The following TNFRSF13B variants were observed in gnomAD, a reference collection of about 807,000 sequenced individuals.
The protein encoded by TNFRSF13B is TNF receptor superfamily member 13B, also known as tumor necrosis factor receptor superfamily member 13B.
TNFRSF13B carries 34 observed loss-of-function variants against 24.0 expected under a neutral mutation model. The ratio of observed to expected loss-of-function variants is 1.41; its 90% CI spans 1.08 to 1.88. The LOEUF (loss-of-function observed/expected upper bound fraction) is 1.88. Ranked by LOEUF, TNFRSF13B falls within the 40% of genes most tolerant of loss-of-function variation. The pLI is 0.00. For missense variants in TNFRSF13B, 415 were observed against 380.8 expected, an observed-to-expected ratio of 1.09 and a Z score of -0.75; for synonymous variants, 173 against 150.3, an observed-to-expected ratio of 1.15 and a Z score of -1.10.
intron 3 of TNFRSF13B, chr17:16,941,320 T>C (rs1420875735): frequency 1.0e-6 from 1 of 987,576 alleles, no homozygotes; most frequent in Non-Finnish European, 1.2e-6. Flanking sequence ...CAGGAGGGCT[T>C]TGGGCATCAG....
At chr17:16,949,917 C>T (rs1438475628) in intron 2 of TNFRSF13B, among the ~76,000 whole-genome samples, 3 of 152,014 alleles carry the variant, frequency 2.0e-5, no homozygotes, top group African/African-American at 7.3e-5. Context: ...AACTCCTGAC[C>T]TCAGGTGATC....
intron 3 of TNFRSF13B, among the ~76,000 whole-genome samples, chr17:16,943,794 T>C (rs562226160): frequency 3.9e-5 from 6 of 152,322 alleles, no homozygotes; most frequent in South Asian, 4.1e-4. Context: ...TTGGTGCTTT[T>C]CCTCGTCTTC....
intron 1 of TNFRSF13B, among the ~76,000 whole-genome samples, chr17:16,955,011 C>T (rs1283940733): frequency 1.3e-5 from 2 of 152,314 alleles, no homozygotes; most frequent in East Asian, 3.9e-4. Flanking sequence ...GGCAGGAAAT[C>T]AGAAGTCTCT....
chr17:16,939,375 C>G lies in TNFRSF13B; in HGVS notation c.*172G>C. Reference sequence around the variant, plus strand: ...TCTTTCCCTCTCTGCCTCTCTTCCCCTCTGTCTCTCTCTCCCTCTGTCTCT... The same window carrying G: ...TCTTTCCCTCTCTGCCTCTCTTCCCGTCTGTCTCTCTCTCCCTCTGTCTCT... On this transcript the variant is annotated 3_prime_UTR_variant, in exon 5 of 5. Transcript: ENST00000261652. 1 of 767,328 alleles carries G rather than the reference C, an allele frequency of 1.3e-6. No homozygotes were observed. Among genetic ancestry groups the G allele is most frequent in the Non-Finnish European group, 2.0e-6 (1 of 510,278 alleles). The allele number at this position is 767,328 out of a possible 1,614,324, so 47.5% of individuals were successfully genotyped here.
chr17:16,940,905 G>A, intron 3 of TNFRSF13B: 2 of 1,126,108 alleles, frequency 1.8e-6, no homozygotes, highest in Middle Eastern at 4.0e-4. Context: ...TCCTGAGTGA[G>A]CGTTTACAGT....
chr17:16,969,057 G>C (rs370255255), intron 1 of TNFRSF13B, among the ~76,000 whole-genome samples: 11 of 152,174 alleles, frequency 7.2e-5, no homozygotes, highest in African/African-American at 2.4e-4. Context: ...GACAAATGTC[G>C]GTGAAGATGT....
chr17:16,940,018 G>A (rs551456176), intron 4 of TNFRSF13B: 11 of 956,384 alleles, frequency 1.2e-5, no homozygotes, highest in South Asian at 5.3e-5. Context: ...GTCCAGCACC[G>A]AGCCTGCCAC....
chr17:16,962,219 AAGGT>A (rs1039507742), intron 1 of TNFRSF13B, among the ~76,000 whole-genome samples: 7 of 152,202 alleles, frequency 4.6e-5, no homozygotes, highest in African/African-American at 1.4e-4. Context: ...TGAGAAAAGA[AAGGT>A]AGGCCAGGTG....
At chr17:16,952,050 A>C (rs1201619245) in intron 2 of TNFRSF13B, among the ~76,000 whole-genome samples, 4 of 152,150 alleles carry the variant, frequency 2.6e-5, no homozygotes, top group Non-Finnish European at 4.4e-5. Flanking sequence ...ATGTGTGATA[A>C]GTTCTGTAAT....
intron 3 of TNFRSF13B, 23 bp from the exon 4 acceptor site, chr17:16,940,534 T>A: frequency 6.2e-7 from 1 of 1,610,046 alleles, no homozygotes; most frequent in African/African-American, 1.3e-5. Flanking sequence ...ATGAGACCCC[T>A]CTCTGCAGTG....
At chr17:16,968,910 A>T (rs1202449083) in intron 1 of TNFRSF13B, among the ~76,000 whole-genome samples, 1 of 152,260 alleles carries the variant, frequency 6.6e-6, no homozygotes, top group Non-Finnish European at 1.5e-5. Flanking sequence ...TTTTCCCCAA[A>T]AAAACCATAT....
intron 1 of TNFRSF13B, among the ~76,000 whole-genome samples, chr17:16,967,602 A>T (rs1401154363): frequency 1.4e-4 from 21 of 151,588 alleles, no homozygotes; most frequent in Non-Finnish European, 2.5e-4. Flanking sequence ...TAAAAAAAAA[A>T]TTAGCCGGGC....
In TNFRSF13B at chr17:16,939,106, G is replaced by A. The variant is rs918203526; in HGVS notation, c.*441C>T. 1 of 160,540 alleles carries A rather than the reference G, an allele frequency of 6.2e-6. No homozygotes were observed. The highest frequency in any genetic ancestry group is 1.4e-5 in the Non-Finnish European group (1 of 73,702). 9.9% of individuals were successfully genotyped at this position (160,540 alleles called of 1,614,324 possible). On this transcript the variant is annotated 3_prime_UTR_variant, in exon 5 of 5. Coordinates refer to ENST00000261652, the MANE Select transcript of TNFRSF13B (RefSeq NM_012452.3). ...CAGTGAGGAAGGGCAGCTGCCAAAG[G>A]TTTTATTCTCCAGGAGGAGGGGCTC... is the stretch of plus-strand genomic sequence containing the variant.
chr17:16,966,832 C>CTTTTTTTTTTTTTTTTTTTTTTTTTTT (rs796602708), intron 1 of TNFRSF13B, among the ~76,000 whole-genome samples: 2 of 95,848 alleles, frequency 2.1e-5, no homozygotes, highest in Admixed American at 1.3e-4. Context: ...TTTTCTTTTT[C>CTTTTTTTTTTTTTTTTTTTTTTTTTTT]TTTTTTCTTT....
intron 1 of TNFRSF13B, among the ~76,000 whole-genome samples, chr17:16,960,042 A>G (rs1483963169): frequency 2.0e-5 from 3 of 152,144 alleles, no homozygotes; most frequent in Non-Finnish European, 4.4e-5. Flanking sequence ...AATATGTCTT[A>G]TGTATACAAA....
At chr17:16,966,769 T>G (rs1007376655) in intron 1 of TNFRSF13B, among the ~76,000 whole-genome samples, 24 of 152,238 alleles carry the variant, frequency 1.6e-4, no homozygotes, top group Non-Finnish European at 2.9e-4. Context: ...GCAACATTTT[T>G]TTTTTTAGTA....
At chr17:16,964,269 C>T (rs1160034621) in intron 1 of TNFRSF13B, among the ~76,000 whole-genome samples, 1 of 151,742 alleles carries the variant, frequency 6.6e-6, no homozygotes, top group Non-Finnish European at 1.5e-5. Flanking sequence ...ACCCCCCTGC[C>T]TGCTCCCACC....
intron 3 of TNFRSF13B, among the ~76,000 whole-genome samples, 176 bp downstream of exon 3, chr17:16,948,562 T>C (rs1169656708): frequency 6.6e-6 from 1 of 152,238 alleles, no homozygotes; most frequent in Non-Finnish European, 1.5e-5. Flanking sequence ...CACAGACTTC[T>C]GGAAATGTTG....
intron 1 of TNFRSF13B, among the ~76,000 whole-genome samples, chr17:16,958,412 T>TA (rs34678916): frequency 3.0e-4 from 44 of 148,222 alleles, no homozygotes; most frequent in Non-Finnish European, 5.0e-4. Flanking sequence ...ACTCTGCTAG[T>TA]AAAAAAAAAA....
Sources: allele counts gnomAD v4.1 joint callset (sites outside exome capture counted in the v4.1 genomes callset), GRCh38; gene constraint gnomAD v4.1.1; transcripts MANE v1.5; gene names NCBI Gene and HGNC (gene_info 2026-07-23, HGNC 2026-07-21).